The following TMEM132B variants were observed in gnomAD, a reference collection of about 807,000 sequenced individuals.
TMEM132B encodes transmembrane protein 132B.
TMEM132B carries 18 observed loss-of-function variants against 90.8 expected under a neutral mutation model. That is an observed-to-expected ratio of 0.20 (90% confidence interval 0.14 to 0.29). TMEM132B has a LOEUF of 0.29. Ranked by LOEUF, TMEM132B falls within the 10% of genes least tolerant of loss-of-function variation. The pLI is 1.00. For missense variants in TMEM132B, 1,096 were observed against 1,326.8 expected (o/e 0.83, Z 2.70); for synonymous variants, 504 against 523.3 (o/e 0.96, Z 0.50).
intron 3 of TMEM132B, among the ~76,000 whole-genome samples, chr12:125,438,031 A>G (rs1213919668): frequency 2.6e-5 from 4 of 152,208 alleles, no homozygotes; most frequent in Admixed American, 2.6e-4. Flanking sequence ...GTCTCTTGTA[A>G]TGTGCTTTAT....
chr12:125,362,782 G>A (rs541603101), intron 2 of TMEM132B, among the ~76,000 whole-genome samples: 137 of 152,262 alleles, frequency 9.0e-4, no homozygotes, highest in African/African-American at 3.2e-3. Context: ...AAATACACAA[G>A]TAATACTGTA....
intron 5 of TMEM132B, among the ~76,000 whole-genome samples, chr12:125,614,021 A>G (rs1885926179): frequency 6.6e-6 from 1 of 152,138 alleles, no homozygotes; most frequent in Non-Finnish European, 1.5e-5. Context: ...TTGTATACAT[A>G]CTGTTTTATA....
intron 3 of TMEM132B, among the ~76,000 whole-genome samples, chr12:125,436,049 CCGA>C (rs1328068775): frequency 1.3e-5 from 2 of 152,150 alleles, no homozygotes; most frequent in Non-Finnish European, 2.9e-5. Context: ...CCCTTCTGTT[CCGA>C]GGCAAAGCAT....
intron 3 of TMEM132B, among the ~76,000 whole-genome samples, chr12:125,416,910 TC>T (rs1593135197): frequency 6.6e-6 from 1 of 152,212 alleles, no homozygotes; most frequent in African/African-American, 2.4e-5. Flanking sequence ...GTTGTTAGTT[TC>T]TAGGGAGCCT....
At chr12:125,429,967 A>G (rs550232328) in intron 3 of TMEM132B, among the ~76,000 whole-genome samples, 1 of 152,290 alleles carries the variant, frequency 6.6e-6, no homozygotes, top group South Asian at 2.1e-4. Context: ...AGGGTGAAGT[A>G]TATACAGATG....
intron 2 of TMEM132B, 101 bp downstream of exon 2, chr12:125,350,444 C>CA: frequency 7.4e-7 from 1 of 1,345,052 alleles, no homozygotes; most frequent in Non-Finnish European, 1.0e-6. Context: ...TGACTATTGT[C>CA]AAAAATGAAT....
intron 1 of TMEM132B, among the ~76,000 whole-genome samples, chr12:125,206,551 C>T (rs755648284): frequency 2.0e-5 from 3 of 152,086 alleles, no homozygotes. Flanking sequence ...TTGATATAAA[C>T]GAGGTCCTCA....
At chr12:125,596,968 T>C (rs1885454428) in intron 5 of TMEM132B, among the ~76,000 whole-genome samples, 2 of 152,172 alleles carry the variant, frequency 1.3e-5, no homozygotes, top group South Asian at 4.1e-4. Context: ...TTATTGAAAG[T>C]GTCCCTAGGT....
At chr12:125,287,980 G>C (rs1333233474) in intron 1 of TMEM132B, among the ~76,000 whole-genome samples, 1 of 151,932 alleles carries the variant, frequency 6.6e-6, no homozygotes, top group African/African-American at 2.4e-5. Context: ...CGATTCTCCT[G>C]CTTCAGTCTC....
intron 4 of TMEM132B, among the ~76,000 whole-genome samples, chr12:125,549,552 G>C (rs978272960): frequency 6.6e-6 from 1 of 152,176 alleles, no homozygotes; most frequent in African/African-American, 2.4e-5. Context: ...AATCTTTCAG[G>C]CTTACTCATC....
rs536797650 is a variant in TMEM132B at position 125,354,875 on chromosome 12, T to A, written c.959+4532T>A. Among the ~76,000 whole-genome samples, 12 of 152,358 alleles carry A rather than the reference T, an allele frequency of 7.9e-5. No homozygotes were observed. The East Asian group carries it at 2.1e-3, about 27-fold the overall frequency. ...CCAGGTTCTGCATTTACCCTTTCTA[T>A]ACATTCCCTCACTGTGTTATCACAG... On this transcript the variant is annotated intron_variant, in intron 2 of 8. Transcript: ENST00000682704.
chr12:125,296,830 C>T (rs1373195055), intron 1 of TMEM132B, among the ~76,000 whole-genome samples: 1 of 152,208 alleles, frequency 6.6e-6, no homozygotes, highest in Non-Finnish European at 1.5e-5. Flanking sequence ...CCTCAGGCTC[C>T]TTGTGCTACG....
At chr12:125,269,178 G>A (rs1160694799) in intron 1 of TMEM132B, among the ~76,000 whole-genome samples, 1 of 152,220 alleles carries the variant, frequency 6.6e-6, no homozygotes, top group Non-Finnish European at 1.5e-5. Flanking sequence ...GCAGACCTGG[G>A]CTGGTTTCCC....
At chr12:125,538,851 T>TA (rs1555256598) in intron 4 of TMEM132B, among the ~76,000 whole-genome samples, 1 of 152,154 alleles carries the variant, frequency 6.6e-6, no homozygotes, top group Non-Finnish European at 1.5e-5. Context: ...GGAATAAAAA[T>TA]AGAGGAGTTA....
intron 3 of TMEM132B, among the ~76,000 whole-genome samples, chr12:125,422,832 G>C (rs139460526): frequency 6.6e-6 from 1 of 152,292 alleles, no homozygotes; most frequent in African/African-American, 2.4e-5. Flanking sequence ...GCAGGAGCAC[G>C]TTTCTTTCAA....
At chr12:125,235,465 G>T (rs1873913180) in intron 1 of TMEM132B, among the ~76,000 whole-genome samples, 1 of 150,794 alleles carries the variant, frequency 6.6e-6, no homozygotes, top group African/African-American at 2.4e-5. Flanking sequence ...TTAAGCTGAG[G>T]TGAAATTTAT....
intron 1 of TMEM132B, among the ~76,000 whole-genome samples, chr12:125,233,676 A>G (rs1030154675): frequency 2.0e-5 from 3 of 152,248 alleles, no homozygotes; most frequent in Non-Finnish European, 4.4e-5. Flanking sequence ...AATATCTTCT[A>G]GGACCAGGAT....
Position 125,491,689 on chromosome 12 carries a change from T to C in TMEM132B, c.1107-27750T>C, listed in dbSNP as rs548949098. ...TCTGCTATGATTTGCCGCTGGCCCA[T>C]GTGAGCCTAATTGAGCTTGGTCCAT... is the stretch of plus-strand genomic sequence containing the variant. On this transcript the variant is annotated intron_variant, in intron 3 of 8. Coordinates refer to ENST00000682704, the MANE Select transcript of TMEM132B (RefSeq NM_001366854.1). Among the ~76,000 whole-genome samples, 11 of 152,334 alleles carry C rather than the reference T, an allele frequency of 7.2e-5. No homozygotes were observed. In the South Asian group the frequency reaches 2.3e-3, roughly 32 times the overall value.
chr12:125,213,045 C>T lies in TMEM132B; in HGVS notation c.67+26179C>T, dbSNP rs538895725. 3.3e-5 allele frequency among the ~76,000 whole-genome samples: 5 copies of T among 152,160 alleles called. No individual in the cohort carries two copies. Among genetic ancestry groups the T allele is most frequent in the Non-Finnish European group, 5.9e-5 (4 of 68,024 alleles). Reference sequence around the variant, plus strand: ...TTGGTTCCAGAGCATTTTCATCCTCCCAAATGGAAGTCCCGTACCCACTAG... The same window carrying T: ...TTGGTTCCAGAGCATTTTCATCCTCTCAAATGGAAGTCCCGTACCCACTAG... On this transcript the variant is annotated intron_variant, in intron 1 of 8. Coordinates refer to ENST00000682704, the MANE Select transcript of TMEM132B (RefSeq NM_001366854.1). This position sits in a 1 kb window ranked among gnomAD's most constrained non-coding sequence, Gnocchi z 4.2.
Sources: gnomAD v4.1 joint callset for allele counts (sites outside exome capture counted in the v4.1 genomes callset) on GRCh38, gnomAD v4.1.1 for gene constraint, Gnocchi (gnomAD v3.1) non-coding constraint, MANE v1.5 for transcripts, NCBI Gene and HGNC (gene_info 2026-07-23, HGNC 2026-07-21) for gene names.